STOX2: variants seen among roughly 807,000 people sequenced by gnomAD.
STOX2 encodes the protein storkhead box 2, also known as storkhead-box protein 2.
A neutral mutation model predicts 60.9 loss-of-function variants in STOX2; 28 were observed. That is an observed-to-expected ratio of 0.46 (90% confidence interval 0.34 to 0.63). The LOEUF is 0.63. Among genes scored for constraint, STOX2 ranks in the 30% least tolerant of loss-of-function variants. The probability of loss-of-function intolerance (pLI) is 0.01; values close to 1 mark genes in which losing one functional copy is unlikely to be tolerated. For synonymous variants in STOX2, 472 were observed against 463.9 expected (o/e 1.02, Z -0.22); for missense variants, 1,024 against 1,187.7 (o/e 0.86, Z 2.03).
chr4:183,892,711 A>G (rs1369444), intron 1 of STOX2, among the ~76,000 whole-genome samples: 99,648 of 151,900 alleles, frequency 0.66, 33,779 homozygotes, highest in East Asian at 0.84. Context: ...CAAACTGGAC[A>G]CTCTTCTCAT....
chr4:184,005,955 T>C (rs1733805692), intron 2 of STOX2, among the ~76,000 whole-genome samples: 1 of 152,204 alleles, frequency 6.6e-6, no homozygotes. Flanking sequence ...ACAAATACTC[T>C]ATGGAAATAG....
chr4:183,859,638 C>A (rs73012644), intron 1 of STOX2, among the ~76,000 whole-genome samples: 1 of 152,218 alleles, frequency 6.6e-6, no homozygotes, highest in Non-Finnish European at 1.5e-5. Context: ...TGAGACAAAG[C>A]AAATGGTGAC....
At chr4:183,968,655 C>G (rs73008328) in intron 1 of STOX2, among the ~76,000 whole-genome samples, 5,661 of 152,012 alleles carry the variant, frequency 0.037, 114 homozygotes, top group Admixed American at 0.067. Flanking sequence ...AAGACCAACC[C>G]TTTTTCCGGA....
intron 1 of STOX2, among the ~76,000 whole-genome samples, chr4:183,963,247 A>G (rs76807478): frequency 0.052 from 7,905 of 152,220 alleles, 271 homozygotes; most frequent in Non-Finnish European, 0.075. Flanking sequence ...ACCCCCAACT[A>G]AGAAACATGT....
Position 183,977,608 on chromosome 4 carries a change from G to T in STOX2, c.167-23717G>T, listed in dbSNP as rs930121442. On this transcript the variant is annotated intron_variant, in intron 1 of 3. Transcript: ENST00000308497. Reference sequence around the variant, plus strand: ...TTATCTGTTAATGAACACTTAGGTTGGTTCCATATCTTTCCTCTTGTGAGT... The same window carrying T: ...TTATCTGTTAATGAACACTTAGGTTTGTTCCATATCTTTCCTCTTGTGAGT... Among the ~76,000 whole-genome samples, 10 of 145,888 alleles carry T rather than the reference G, an allele frequency of 6.9e-5. No individual in the cohort carries two copies. In the Admixed American group the frequency reaches 7.0e-4, roughly 10 times the overall value.
intron 1 of STOX2, among the ~76,000 whole-genome samples, chr4:183,828,891 G>A (rs1308943516): frequency 6.6e-6 from 1 of 152,162 alleles, no homozygotes; most frequent in South Asian, 2.1e-4. Context: ...AGAATCATGG[G>A]TACCTTGTAA....
chr4:183,982,491 C>CT (rs202146678), intron 1 of STOX2, among the ~76,000 whole-genome samples: 5 of 152,150 alleles, frequency 3.3e-5, no homozygotes, highest in South Asian at 2.1e-4. Context: ...TAATTTGTGT[C>CT]TTTTTTTAAA....
At chr4:184,004,404 C>A (rs1172757263) in intron 2 of STOX2, among the ~76,000 whole-genome samples, 3 of 152,058 alleles carry the variant, frequency 2.0e-5, no homozygotes, top group African/African-American at 7.2e-5. Flanking sequence ...TCGAGACCAT[C>A]CTGGTTAACA....
At chr4:183,826,053 A>G (rs1348396173) in intron 1 of STOX2, among the ~76,000 whole-genome samples, 1 of 152,114 alleles carries the variant, frequency 6.6e-6, no homozygotes, top group Non-Finnish European at 1.5e-5. Flanking sequence ...CTCATCGGGA[A>G]ACAGGTTAAA....
intron 1 of STOX2, among the ~76,000 whole-genome samples, chr4:183,832,150 C>T (rs191136563): frequency 6.6e-5 from 10 of 151,962 alleles, no homozygotes; most frequent in East Asian, 1.9e-4. Context: ...TCACCATGCC[C>T]GGCTAATTTT....
At chr4:183,997,066 G>C (rs1204394033) in intron 1 of STOX2, among the ~76,000 whole-genome samples, 1 of 152,172 alleles carries the variant, frequency 6.6e-6, no homozygotes, top group Non-Finnish European at 1.5e-5. Flanking sequence ...GTTGCCTTCT[G>C]TCATGGAGCT....
intron 1 of STOX2, among the ~76,000 whole-genome samples, chr4:183,992,771 G>A (rs1733166339): frequency 6.6e-6 from 1 of 152,196 alleles, no homozygotes; most frequent in Admixed American, 6.5e-5. Context: ...ATCTTGTAAG[G>A]TAGCAGGGCC....
chr4:183,987,065 T>G (rs1006936061), intron 1 of STOX2, among the ~76,000 whole-genome samples: 1 of 152,180 alleles, frequency 6.6e-6, no homozygotes, highest in Non-Finnish European at 1.5e-5. Context: ...GAGAATGAGA[T>G]AATTTTTCGG....
chr4:183,985,310 A>G (rs1732798150), intron 1 of STOX2, among the ~76,000 whole-genome samples: 1 of 152,242 alleles, frequency 6.6e-6, no homozygotes, highest in African/African-American at 2.4e-5. Context: ...GACTTTCAAC[A>G]GCAATGGTTG....
Position 184,022,702 on chromosome 4 carries a change from A to AC in STOX2, c.*5418_*5419insC. On this transcript the variant is annotated 3_prime_UTR_variant, in exon 4 of 4. Coordinates refer to ENST00000308497, the MANE Select transcript of STOX2 (RefSeq NM_020225.3). ...AATGTGAGACCTGAGATCTCCTCCA[A>AC]TATCTGTCCTCTGCAGTTCCGGGAA... The AC allele has an allele frequency of 6.6e-6, 1 of 151,584 alleles. No homozygotes were observed. The highest frequency in any genetic ancestry group is 2.1e-4 in the South Asian group (1 of 4,790). The allele number at this position is 151,584 out of a possible 1,614,324, so 9.4% of individuals were successfully genotyped here.
chr4:183,815,257 G>A (rs2111104652), intron 1 of STOX2, among the ~76,000 whole-genome samples: 1 of 152,040 alleles, frequency 6.6e-6, no homozygotes, highest in African/African-American at 2.4e-5. Context: ...CAATGTGCTG[G>A]GATTATAGGT....
At chr4:183,898,628 G>A (rs1049209443) in intron 1 of STOX2, among the ~76,000 whole-genome samples, 1 of 152,296 alleles carries the variant, frequency 6.6e-6, no homozygotes, top group Non-Finnish European at 1.5e-5. Context: ...CAAGAAGGGC[G>A]ATTGGGTGGA....
chr4:183,838,515 T>G lies in STOX2; in HGVS notation c.364+40460T>G, dbSNP rs182203640. Reference sequence around the variant, plus strand: ...TGAACATATCTATATAAATCTTTGTTGATAAATCTGTTATTTACATAAAAA... The same window carrying G: ...TGAACATATCTATATAAATCTTTGTGGATAAATCTGTTATTTACATAAAAA... On this transcript the variant is annotated intron_variant, in intron 1 of 2. Coordinates refer to the STOX2 transcript ENST00000513034. Among the ~76,000 whole-genome samples, 9 of 152,360 alleles carry G rather than the reference T, an allele frequency of 5.9e-5. No individual in the cohort carries two copies. In the East Asian group the frequency reaches 1.3e-3, roughly 23 times the overall value.
At chr4:183,818,764 C>T (rs931113579) in intron 1 of STOX2, among the ~76,000 whole-genome samples, 5 of 150,954 alleles carry the variant, frequency 3.3e-5, no homozygotes, top group South Asian at 2.1e-4. Context: ...GGCTGCTGGG[C>T]GGAGACGCTC....
Sources: gnomAD v4.1 joint callset for allele counts (sites outside exome capture counted in the v4.1 genomes callset) on GRCh38, gnomAD v4.1.1 for gene constraint, MANE v1.5 for transcripts, NCBI Gene and HGNC (gene_info 2026-07-23, HGNC 2026-07-21) for gene names.